NTRK2: variants seen among roughly 807,000 people sequenced by gnomAD.
The protein encoded by NTRK2 is neurotrophic receptor tyrosine kinase 2.
NTRK2 carries 13 observed loss-of-function variants against 94.5 expected under a neutral mutation model. That is an observed-to-expected ratio of 0.14 (90% CI 0.09 to 0.22). The LOEUF (loss-of-function observed/expected upper bound fraction) is 0.22, where lower values mean the gene tolerates loss of function less well. NTRK2 is among the 10% of genes least tolerant of loss of function. NTRK2 has a pLI of 1.00. For synonymous variants in NTRK2, 372 were observed against 407.4 expected (o/e 0.91, Z 1.05); for missense variants, 639 against 1,071.2 (o/e 0.60, Z 5.63).
chr9:84,926,391 C>A (rs1459528920), intron 14 of NTRK2, among the ~76,000 whole-genome samples: 2 of 151,872 alleles, frequency 1.3e-5, no homozygotes, highest in African/African-American at 4.8e-5. Flanking sequence ...TGCCACCATG[C>A]CCTGCTAATT....
intron 2 of NTRK2, among the ~76,000 whole-genome samples, chr9:84,684,982 A>G (rs986523036): frequency 2.6e-5 from 4 of 151,430 alleles, no homozygotes; most frequent in Admixed American, 6.6e-5. Context: ...TTTCTAGTAA[A>G]GCTTATTTTT....
At chr9:84,986,513 A>C (rs1051958703) in intron 17 of NTRK2, among the ~76,000 whole-genome samples, 3 of 152,014 alleles carry the variant, frequency 2.0e-5, no homozygotes, top group African/African-American at 7.2e-5. Flanking sequence ...CCTGTCACTC[A>C]CCTCCTGCTG....
intron 2 of NTRK2, among the ~76,000 whole-genome samples, chr9:84,675,179 G>A (rs1257545638): frequency 6.6e-6 from 1 of 152,140 alleles, no homozygotes. Context: ...GAACAGCTGA[G>A]AGTTGAGGTC....
At position 84,948,581 on chromosome 9, in the gene NTRK2, C is replaced by T. The variant is rs1422685991; in HGVS notation, c.1884C>T (p.Pro628=). ...ATGGCGTCTGCGTGGAGGGCGACCC[C>T]CTCATCATGGTCTTTGAGTACATGA... ...KFYGVCVEGD[P]LIMVFEYMKH... is the part of the protein sequence containing the mutation. The change falls in exon 16 of 19, where the codon CCC becomes CCT. Residue 628 remains proline, a synonymous_variant. Coordinates refer to ENST00000277120, the MANE Select transcript of NTRK2 (RefSeq NM_006180.6). 6.2e-7 allele frequency: 1 copy of T among 1,614,122 alleles called. No individual in the cohort carries two copies. Among genetic ancestry groups the T allele is most frequent in the Non-Finnish European group, 8.5e-7 (1 of 1,180,024 alleles).
Position 84,861,106 on chromosome 9 carries a change from CCTT to C in NTRK2, c.1444+23_1444+25del, listed in dbSNP as rs1380378840. ...GGTGTTGGTAAGTAGTTAACTCACT[CCTT>C]CTTTGGATAAGTAATGAGTCTATGT... On this transcript the variant is annotated intron_variant, in intron 13 of 18. Transcript: ENST00000277120. The C allele has an allele frequency of 1.9e-6, 3 of 1,592,010 alleles. No homozygotes were observed. The South Asian group carries it at 3.3e-5, about 18-fold the overall frequency.
rs951762023 is a variant in NTRK2, at chr9:85,026,366, C to T, written c.*4929C>T. ...TGATCCTGAGTGGAGGTTAGCTGAA[C>T]GTTCAATGTACTGGAGCAAGCATCA... On this transcript the variant is annotated 3_prime_UTR_variant, in exon 19 of 19. Coordinates refer to ENST00000277120, the MANE Select transcript of NTRK2 (RefSeq NM_006180.6). The T allele has an allele frequency of 2.6e-5, 6 of 231,530 alleles. No homozygotes were observed. Among genetic ancestry groups the T allele is most frequent in the African/African-American group, 1.1e-4 (5 of 45,216 alleles). 14.3% of individuals were successfully genotyped at this position (231,530 alleles called of 1,614,324 possible).
chr9:84,805,139 T>C (rs532557321), intron 12 of NTRK2, among the ~76,000 whole-genome samples: 88 of 152,312 alleles, frequency 5.8e-4, no homozygotes, highest in African/African-American at 1.9e-3. Context: ...CCCCTTAGAA[T>C]TGTTGAGTTT....
At chr9:84,898,366 A>G (rs1183186082) in intron 14 of NTRK2, among the ~76,000 whole-genome samples, 5 of 152,136 alleles carry the variant, frequency 3.3e-5, no homozygotes, top group Non-Finnish European at 4.4e-5. Flanking sequence ...GGTGAAGTAG[A>G]TCTTTGTGTT....
chr9:84,920,563 G>A (rs1049388168), intron 14 of NTRK2, among the ~76,000 whole-genome samples: 1 of 152,092 alleles, frequency 6.6e-6, no homozygotes, highest in African/African-American at 2.4e-5. Flanking sequence ...TCCACCAAAT[G>A]GGGCAGTCCT....
chr9:85,026,763 C>A lies in NTRK2; in HGVS notation c.*5326C>A, dbSNP rs1320063169. 4.3e-6 allele frequency: 1 copy of A among 232,822 alleles called. No individual in the cohort carries two copies. The highest frequency in any genetic ancestry group is 8.5e-6 in the Non-Finnish European group (1 of 117,954). The allele number at this position is 232,822 out of a possible 1,614,324, so 14.4% of individuals were successfully genotyped here. On this transcript the variant is annotated 3_prime_UTR_variant, in exon 19 of 19. Coordinates refer to ENST00000277120, the MANE Select transcript of NTRK2 (RefSeq NM_006180.6). ...AGATATATTTCCCCTTCAATCGTGA[C>A]CTGGTATTTGGAACTCTCCTTTTCA...
intron 12 of NTRK2, among the ~76,000 whole-genome samples, chr9:84,840,262 A>G (rs1216031422): frequency 1.5e-5 from 2 of 137,862 alleles, no homozygotes; most frequent in African/African-American, 2.8e-5. Flanking sequence ...ATCATTGACA[A>G]TTCTTTTTTT....
chr9:84,708,541 C>T lies in NTRK2; in HGVS notation c.428+629C>T, dbSNP rs533438322. Among the ~76,000 whole-genome samples the T allele has an allele frequency of 5.3e-5, 8 of 152,298 alleles. No homozygotes were observed. The South Asian group carries it at 1.0e-3, about 20-fold the overall frequency. Reference sequence around the variant, plus strand: ...CAGGATTTCCAAGTGAGCTCCATTCCTTGCATTGTCCCCATTAAACAAATA... The same window carrying T: ...CAGGATTTCCAAGTGAGCTCCATTCTTTGCATTGTCCCCATTAAACAAATA... On this transcript the variant is annotated intron_variant, in intron 5 of 18. Transcript: ENST00000277120.
At chr9:84,897,758 A>G (rs1292945646) in intron 14 of NTRK2, among the ~76,000 whole-genome samples, 3 of 152,200 alleles carry the variant, frequency 2.0e-5, no homozygotes, top group Non-Finnish European at 4.4e-5. Flanking sequence ...CTGGTCGTGC[A>G]TGTGTCCCTC....
intron 12 of NTRK2, among the ~76,000 whole-genome samples, chr9:84,836,996 T>C (rs2073917922): frequency 7.0e-6 from 1 of 143,226 alleles, no homozygotes; most frequent in Admixed American, 7.2e-5. Flanking sequence ...AATACTGGAA[T>C]ATACTATAAC....
Position 84,670,742 on chromosome 9 carries a change from G to A in NTRK2, c.-7G>A, listed in dbSNP as rs2058647850. On this transcript the variant is annotated 5_prime_UTR_variant, in exon 2 of 19. Coordinates refer to ENST00000277120, the MANE Select transcript of NTRK2 (RefSeq NM_006180.6). The stretch of plus-strand genomic sequence containing the variant: ...ACAGGCACTCGGGCTGGCACTGGCT[G>A]CTAGGGATGTCGTCCTGGATAAGGT... The A allele has an allele frequency of 1.9e-6, 3 of 1,611,956 alleles. No homozygotes were observed. The highest frequency in any genetic ancestry group is 1.1e-5 in the South Asian group (1 of 91,014).
Position 84,882,719 on chromosome 9 carries a change from T to TGTGTGCGTGCGCGCGC in NTRK2, c.1633+15289_1633+15290insTGTGCGTGCGCGCGCG, listed in dbSNP as rs761042296. ...TCTAGTGTGTGTGTGTGTGTGTGTG[T>TGTGTGCGTGCGCGCGC]GCGCGCGCGCGCGCATGTGTGCATT... is the stretch of plus-strand genomic sequence containing the variant. On this transcript the variant is annotated intron_variant, in intron 14 of 18. Transcript: ENST00000277120. Among the ~76,000 whole-genome samples, 600 of 145,812 alleles carry TGTGTGCGTGCGCGCGC rather than the reference T, an allele frequency of 4.1e-3. 5 individuals carry two copies. Among genetic ancestry groups the TGTGTGCGTGCGCGCGC allele is most frequent in the African/African-American group, 0.015 (574 of 37,952 alleles).
chr9:84,848,781 T>G (rs2074603921), intron 12 of NTRK2, among the ~76,000 whole-genome samples: 1 of 152,180 alleles, frequency 6.6e-6, no homozygotes, highest in South Asian at 2.1e-4. Flanking sequence ...TAATAAAGAT[T>G]TGCATAATTG....
At chr9:84,734,447 G>A (rs2063110074) in intron 9 of NTRK2, among the ~76,000 whole-genome samples, 1 of 152,168 alleles carries the variant, frequency 6.6e-6, no homozygotes, top group Non-Finnish European at 1.5e-5. Context: ...CCCAGAAAAA[G>A]GATCTTGAGA....
intron 12 of NTRK2, among the ~76,000 whole-genome samples, chr9:84,784,539 G>T (rs1307242042): frequency 6.6e-6 from 1 of 152,198 alleles, no homozygotes; most frequent in Non-Finnish European, 1.5e-5. Flanking sequence ...GGACACATGA[G>T]TGTGCCTGTG....
Sources: allele counts gnomAD v4.1 joint callset (sites outside exome capture counted in the v4.1 genomes callset), GRCh38; gene constraint gnomAD v4.1.1; transcripts MANE v1.5; gene names NCBI Gene and HGNC (gene_info 2026-07-23, HGNC 2026-07-21).